Variants in MTF2 observed in about 807,000 individuals in gnomAD.
MTF2 encodes metal-response element-binding transcription factor 2.
Under a neutral mutation model 79.5 loss-of-function variants are expected in MTF2, and 11 were observed. The observed-to-expected ratio is 0.14, with a 90% CI of 0.09 to 0.23. The LOEUF is 0.23. Among genes scored for constraint, MTF2 ranks in the 10% least tolerant of loss-of-function variants. The pLI is 1.00. For synonymous variants in MTF2, 208 were observed against 232.8 expected, an observed-to-expected ratio of 0.89 and a Z score of 0.97; for missense variants, 486 against 711.2, an observed-to-expected ratio of 0.68 and a Z score of 3.60.
intron 1 of MTF2, among the ~76,000 whole-genome samples, chr1:93,088,376 G>A (rs548667280): frequency 6.6e-6 from 1 of 152,154 alleles, no homozygotes; most frequent in African/African-American, 2.4e-5. Context: ...TTGTATATGT[G>A]AGATAATATA....
chr1:93,122,417 T>C (rs1048647418), intron 9 of MTF2, among the ~76,000 whole-genome samples: 2 of 152,102 alleles, frequency 1.3e-5, no homozygotes, highest in Non-Finnish European at 2.9e-5. Context: ...AATTTTAGTG[T>C]TTAGATTTTA....
intron 1 of MTF2, among the ~76,000 whole-genome samples, chr1:93,098,068 C>T (rs1655370866): frequency 6.6e-6 from 1 of 152,032 alleles, no homozygotes; most frequent in African/African-American, 2.4e-5. Context: ...ATAGCTTGGT[C>T]TTTTTTTGTT....
chr1:93,122,950 G>A (rs949873962), intron 9 of MTF2, among the ~76,000 whole-genome samples: 12 of 152,062 alleles, frequency 7.9e-5, no homozygotes, highest in African/African-American at 2.4e-4. Flanking sequence ...CAATAAAAAG[G>A]TAACATAAAT....
intron 8 of MTF2, 147 bp downstream of exon 8, chr1:93,119,548 G>A (rs1043655099): frequency 5.8e-5 from 34 of 586,514 alleles, no homozygotes; most frequent in Non-Finnish European, 8.6e-5. Context: ...CATGCCTGAT[G>A]TCATCTTCAC....
At chr1:93,109,037 T>C (rs1173584724) in intron 1 of MTF2, among the ~76,000 whole-genome samples, 2 of 152,228 alleles carry the variant, frequency 1.3e-5, no homozygotes, top group East Asian at 3.8e-4. Context: ...ATATTCCTAA[T>C]ACTTAGGAAC....
chr1:93,080,617 A>G (rs1042862307), intron 1 of MTF2, among the ~76,000 whole-genome samples: 2 of 152,226 alleles, frequency 1.3e-5, no homozygotes, highest in Non-Finnish European at 2.9e-5. Flanking sequence ...AGAAATATGT[A>G]AATAGTACCT....
In MTF2 at chr1:93,119,326, T is replaced by G. The variant is rs547090324; in HGVS notation, c.729-7T>G. The stretch of plus-strand genomic sequence containing the variant: ...ATAAAACTTTTTCTTTTTTTTTTTT[T>G]TCTTAGATTTTATACGTTTATATGC... On this transcript the variant is annotated splice_region_variant and splice_polypyrimidine_tract_variant and intron_variant, in intron 7 of 14. Coordinates refer to ENST00000370298, the MANE Select transcript of MTF2 (RefSeq NM_007358.4). The G allele has an allele frequency of 2.5e-5, 39 of 1,564,882 alleles. No individual in the cohort carries two copies. In the African/African-American group the frequency reaches 2.8e-4, roughly 11 times the overall value.
At chr1:93,091,645 T>G (rs1244085007) in intron 1 of MTF2, among the ~76,000 whole-genome samples, 2 of 152,258 alleles carry the variant, frequency 1.3e-5, no homozygotes, top group South Asian at 2.1e-4. Context: ...TTTTAAACTG[T>G]GACCACCATC....
intron 1 of MTF2, among the ~76,000 whole-genome samples, chr1:93,083,912 A>G (rs1654720465): frequency 6.6e-6 from 1 of 152,230 alleles, no homozygotes; most frequent in South Asian, 2.1e-4. Context: ...CTCATTTAAA[A>G]AATGGGACTG....
At chr1:93,109,419 C>T (rs576040477) in intron 1 of MTF2, among the ~76,000 whole-genome samples, 136 of 152,054 alleles carry the variant, frequency 8.9e-4, no homozygotes, top group Middle Eastern at 3.4e-3. Context: ...CTGCAACCTC[C>T]GCCTCCTGGG....
At chr1:93,133,052 T>G (rs1647210717) in intron 11 of MTF2, among the ~76,000 whole-genome samples, 1 of 152,094 alleles carries the variant, frequency 6.6e-6, no homozygotes, top group Non-Finnish European at 1.5e-5. Flanking sequence ...GCTTGGTATT[T>G]GGCTTTATGT....
chr1:93,095,655 CTTTTTTTTT>C (rs111973268), intron 1 of MTF2, among the ~76,000 whole-genome samples: 1 of 118,750 alleles, frequency 8.4e-6, no homozygotes, highest in Non-Finnish European at 1.8e-5. Flanking sequence ...TTTCTCTGTT[CTTTTTTTTT>C]TTTTTTTTTG....
intron 3 of MTF2, among the ~76,000 whole-genome samples, chr1:93,112,679 C>T (rs893989790): frequency 8.6e-5 from 13 of 151,994 alleles, no homozygotes; most frequent in Non-Finnish European, 1.5e-4. Context: ...TTAACAACAA[C>T]AAAAAATTTG....
At chr1:93,118,024 T>TA (rs955314137) in intron 6 of MTF2, among the ~76,000 whole-genome samples, 4 of 150,898 alleles carry the variant, frequency 2.7e-5, no homozygotes, top group Admixed American at 6.6e-5. Flanking sequence ...CTTGCCTCTT[T>TA]AAAAAAAAAT....
intron 9 of MTF2, among the ~76,000 whole-genome samples, chr1:93,121,989 A>T (rs1656503379): frequency 6.6e-6 from 1 of 152,060 alleles, no homozygotes; most frequent in African/African-American, 2.4e-5. Flanking sequence ...TTTAGTAGAG[A>T]TGGAGTTTTG....
intron 1 of MTF2, among the ~76,000 whole-genome samples, chr1:93,087,808 G>A (rs570538): frequency 1 from 152,078 of 152,330 alleles, 75,914 homozygotes; most frequent in East Asian, 1. Context: ...AGTAGAGCCA[G>A]GTATTACCTA....
At chr1:93,093,912 T>G (rs1655175434) in intron 1 of MTF2, among the ~76,000 whole-genome samples, 1 of 152,182 alleles carries the variant, frequency 6.6e-6, no homozygotes, top group Non-Finnish European at 1.5e-5. Context: ...ATAATTTGAC[T>G]GGTTATAAGG....
rs868317734 is a variant in MTF2, at chr1:93,125,308, T to G, written c.922-1924T>G. Among the ~76,000 whole-genome samples the G allele has an allele frequency of 5.8e-3, 867 of 150,246 alleles. 1 individual carries two copies. The highest frequency in any genetic ancestry group is 0.011 in the African/African-American group (451 of 41,016). On this transcript the variant is annotated intron_variant, in intron 9 of 14. Coordinates refer to ENST00000370298, the MANE Select transcript of MTF2 (RefSeq NM_007358.4). ...GCAACGCTGGTTTGTCAGTGTTTTT[T>G]TTTTTTTTTTTTTTTATGGTTAGCA...
intron 9 of MTF2, among the ~76,000 whole-genome samples, chr1:93,123,293 G>T (rs1656562289): frequency 6.8e-6 from 1 of 146,032 alleles, no homozygotes. Flanking sequence ...CCTTGCTCAG[G>T]CTGGAGTGCA....
Sources: gnomAD v4.1 joint callset for allele counts (sites outside exome capture counted in the v4.1 genomes callset) on GRCh38, gnomAD v4.1.1 for gene constraint, MANE v1.5 for transcripts, NCBI Gene and HGNC (gene_info 2026-07-23, HGNC 2026-07-21) for gene names.